Variants in CLSPN observed in about 807,000 individuals in gnomAD.
CLSPN encodes claspin, also known as claspin homolog.
In CLSPN, 85 loss-of-function variants were observed where a neutral mutation model predicts 156.3. The ratio of observed to expected loss-of-function variants is 0.54; its 90% CI spans 0.46 to 0.65. The LOEUF (loss-of-function observed/expected upper bound fraction) is 0.65. Ranked by LOEUF, CLSPN falls within the 30% of genes least tolerant of loss-of-function variation. CLSPN has a pLI of 0.00. For missense variants in CLSPN, 1,407 were observed against 1,554.9 expected (o/e 0.90, Z 1.60); for synonymous variants, 534 against 542.4 (o/e 0.98, Z 0.22).
In CLSPN at chr1:35,722,253, C is replaced by CTT. The variant is rs568124252; in HGVS notation, c.3910-1275_3910-1274dup. Among the ~76,000 whole-genome samples the CTT allele has an allele frequency of 1.7e-3, 217 of 124,612 alleles. 2 individuals are homozygous for CTT. Among genetic ancestry groups the CTT allele is most frequent in the East Asian group, 0.01 (38 of 3,786 alleles). 81.8% of individuals were successfully genotyped at this position (124,612 alleles called of 152,430 possible). A position where few individuals can be genotyped will look rare whatever the true frequency, so the allele number is the denominator to read the frequency against. On this transcript the variant is annotated intron_variant, in intron 24 of 24. Transcript: ENST00000251195. ...CATTGTTCTAAAAAGCTAGTTATTC[C>CTT]TTTTTTTTTTTTTTTTTTTGAGATG...
rs1215814499 is a variant in CLSPN, at chr1:35,746,928, T to C, written c.2692A>G (p.Ser898Gly). ...GCATCCATGGCATTCTCATCCATAC[T>C]GGCCAATGGCAATCGAGGCTTCAAA... ...QALKPRLPLA[S>G]MDENAMDANM... The change falls in exon 15 of 25, where the codon AGT (serine) becomes GGT (glycine). Residue 898 changes from serine to glycine, a missense_variant. By Grantham distance (56) the Ser-to-Gly change is moderately conservative. Coordinates refer to ENST00000318121, the MANE Select transcript of CLSPN (RefSeq NM_022111.4). This position sits in a 1 kb window ranked among gnomAD's most constrained non-coding sequence, Gnocchi z 4.2. 1.2e-6 allele frequency: 2 copies of C among 1,614,068 alleles called. No individual in the cohort carries two copies. The highest frequency in any genetic ancestry group is 1.7e-5 in the Admixed American group (1 of 60,000).
Position 35,739,601 on chromosome 1 carries a change from C to T in CLSPN, c.3144-72G>A, listed in dbSNP as rs1185946967. Reference sequence around the variant, plus strand: ...CACAGAATATGGAAGCAAAGAAAAGCAGAACAGAGTCACTTCTAATAATAA... The same window carrying T: ...CACAGAATATGGAAGCAAAGAAAAGTAGAACAGAGTCACTTCTAATAATAA... On this transcript the variant is annotated intron_variant, in intron 18 of 24. Coordinates refer to ENST00000318121, the MANE Select transcript of CLSPN (RefSeq NM_022111.4). 4 of 1,145,420 alleles carry T rather than the reference C, an allele frequency of 3.5e-6. No homozygotes were observed. In the East Asian group the frequency reaches 7.1e-5, roughly 20 times the overall value. 71.0% of individuals were successfully genotyped at this position (1,145,420 alleles called of 1,614,324 possible).
chr1:35,753,101 T>A (rs1049462536), intron 9 of CLSPN, among the ~76,000 whole-genome samples: 1 of 152,172 alleles, frequency 6.6e-6, no homozygotes, highest in Non-Finnish European at 1.5e-5. Flanking sequence ...TGTTTTGGGT[T>A]TTTTGTTTTG....
intron 10 of CLSPN, among the ~76,000 whole-genome samples, chr1:35,750,287 G>A (rs905942086): frequency 2.0e-5 from 3 of 151,892 alleles, no homozygotes; most frequent in Non-Finnish European, 2.9e-5. Context: ...CTTGAGGCCA[G>A]GAGTTCGAGA....
chr1:35,758,801 C>CTT (rs34271691), intron 8 of CLSPN, among the ~76,000 whole-genome samples: 89,985 of 138,224 alleles, frequency 0.65, 33,767 homozygotes, highest in Non-Finnish European at 0.86. Context: ...TTTTCTTTTT[C>CTT]TTTTTTTTTT....
chr1:35,761,343 G>A (rs890892459), intron 6 of CLSPN, 139 bp from the exon 7 acceptor site: 2 of 517,888 alleles, frequency 3.9e-6, no homozygotes, highest in Admixed American at 3.7e-5. Context: ...GAGGAGCTAA[G>A]TACAAAAAAG....
chr1:35,758,139 C>T (rs1642339023), intron 8 of CLSPN, among the ~76,000 whole-genome samples: 1 of 151,840 alleles, frequency 6.6e-6, no homozygotes, highest in Non-Finnish European at 1.5e-5. Flanking sequence ...CACCTGCCAA[C>T]AATAAGATGT....
intron 8 of CLSPN, among the ~76,000 whole-genome samples, chr1:35,754,408 G>A (rs547953134): frequency 6.6e-6 from 1 of 151,944 alleles, no homozygotes; most frequent in Non-Finnish European, 1.5e-5. Context: ...GCAGTGATGT[G>A]ATCTCAGCTC....
chr1:35,757,988 C>G (rs943530178), intron 8 of CLSPN, among the ~76,000 whole-genome samples: 1 of 151,610 alleles, frequency 6.6e-6, no homozygotes, highest in African/African-American at 2.4e-5. Context: ...GAAACAGAAT[C>G]TTTTTTGTGT....
chr1:35,741,109 T>C (rs1222589729), intron 18 of CLSPN, among the ~76,000 whole-genome samples: 1 of 152,184 alleles, frequency 6.6e-6, no homozygotes, highest in Admixed American at 6.5e-5. Context: ...GAATTATCTT[T>C]ATAAAACTTT....
At chr1:35,741,546 C>T (rs1177010708) in intron 18 of CLSPN, among the ~76,000 whole-genome samples, 1 of 152,124 alleles carries the variant, frequency 6.6e-6, no homozygotes, top group Non-Finnish European at 1.5e-5. Context: ...GAACTCCTGA[C>T]CTCAGGTGAT....
chr1:35,763,564 A>C (rs1642558978), intron 3 of CLSPN, among the ~76,000 whole-genome samples: 1 of 152,222 alleles, frequency 6.6e-6, no homozygotes, highest in South Asian at 2.1e-4. Context: ...GAAGTAAAAT[A>C]CTTGTTAAGC....
Position 35,736,146 on chromosome 1 carries a change from A to G in CLSPN, c.*350T>C. Reference sequence around the variant, plus strand: ...AGGAGGAGAATCGCTTGAACCTGGGAGGCAGAGATTGTGGTGAGCCGAGAT... The same window carrying G: ...AGGAGGAGAATCGCTTGAACCTGGGGGGCAGAGATTGTGGTGAGCCGAGAT... On this transcript the variant is annotated 3_prime_UTR_variant, in exon 25 of 25. Transcript: ENST00000318121. The G allele has an allele frequency of 1.4e-6, 1 of 691,402 alleles. No homozygotes were observed. The highest frequency in any genetic ancestry group is 1.8e-6 in the Non-Finnish European group (1 of 561,434). The allele number at this position is 691,402 out of a possible 1,614,324, so 42.8% of individuals were successfully genotyped here.
intron 14 of CLSPN, among the ~76,000 whole-genome samples, chr1:35,747,332 AT>A (rs1349589992): frequency 6.6e-6 from 1 of 152,094 alleles, no homozygotes; most frequent in Admixed American, 6.6e-5. Flanking sequence ...AAAAAAAAAA[AT>A]AAAAAAAAAT....
At chr1:35,768,012 G>C (rs1642730518) in intron 1 of CLSPN, among the ~76,000 whole-genome samples, 1 of 152,098 alleles carries the variant, frequency 6.6e-6, no homozygotes, top group Non-Finnish European at 1.5e-5. Context: ...TATTAATAAA[G>C]GGAGAAATAT....
chr1:35,739,527 C>T lies in CLSPN; in HGVS notation c.3146G>A (p.Arg1049Lys). The T allele has an allele frequency of 6.2e-7, 1 of 1,610,358 alleles. No homozygotes were observed. Among genetic ancestry groups the T allele is most frequent in the Non-Finnish European group, 8.5e-7 (1 of 1,178,690 alleles). The change falls in exon 19 of 25, where the codon AGG becomes AAG. Residue 1049 changes from arginine to lysine, a missense_variant and splice_region_variant. Physicochemically the swap from Arg to Lys is conservative, Grantham distance 26 (BLOSUM62 2). This residue lies in a region of CLSPN where 70 missense variants were observed against 121.5 expected (regional missense o/e 0.58). Transcript: ENST00000318121. ...KRSEKLKRQM[R>K]LRKYLEDEAE... ...CTCATCCTCCAGGTATTTCCTCAAC[C>T]TCCTAGAAAGCAATTTTGAGGATTA...
At chr1:35,727,708 C>T (rs1641226723), downstream of CLSPN, among the ~76,000 whole-genome samples, 1 of 152,206 alleles carries the variant, frequency 6.6e-6, no homozygotes, top group Non-Finnish European at 1.5e-5. Flanking sequence ...TTGAGATTTA[C>T]TCTGTGCCAG....
Position 35,732,857 on chromosome 1 carries a change from T to C in CLSPN, c.*3639A>G. The C allele has an allele frequency of 1.0e-6, 1 of 985,470 alleles. No individual in the cohort carries two copies. 61.0% of individuals were successfully genotyped at this position (985,470 alleles called of 1,614,324 possible). A position where few individuals can be genotyped will look rare whatever the true frequency, so the allele number is the denominator to read the frequency against. ...TTACCAAGATCAAGGCTTAGCTTAC[T>C]TTATAGCAGCCATCCTGGCATAAGG... is the stretch of plus-strand genomic sequence containing the variant. On this transcript the variant is annotated 3_prime_UTR_variant, in exon 25 of 25. Transcript: ENST00000318121.
In CLSPN at chr1:35,760,675, T is replaced by C. The variant is rs1471630910; in HGVS notation, c.1246A>G (p.Ser416Gly). 1 of 1,614,214 alleles carries C rather than the reference T, an allele frequency of 6.2e-7. No homozygotes were observed. Among genetic ancestry groups the C allele is most frequent in the South Asian group, 1.1e-5 (1 of 91,086 alleles). The change falls in exon 8 of 25, where the codon AGT (serine) becomes GGT (glycine). Residue 416 changes from serine to glycine, a missense_variant. Ser to Gly is a moderately conservative substitution (Grantham distance 56). Around this residue, in one of 3 missense-constraint regions of CLSPN, gnomAD observed 1,096 missense variants for 1,193.0 expected, o/e 0.92. Coordinates refer to ENST00000318121, the MANE Select transcript of CLSPN (RefSeq NM_022111.4). ...ELEIQEKQKQSDIRPSPGDSS... is the reference protein window; with the variant it reads ...ELEIQEKQKQGDIRPSPGDSS... ...TCCCCAGGTGAAGGTCTAATGTCAC[T>C]CTGCTTCTGTTTCTCCTGAATTTCT... is the stretch of plus-strand genomic sequence containing the variant.
Sources: allele counts gnomAD v4.1 joint callset (sites outside exome capture counted in the v4.1 genomes callset), GRCh38; gene constraint gnomAD v4.1.1; regional missense constraint gnomAD v4.1.1; non-coding constraint Gnocchi (gnomAD v3.1); transcripts MANE v1.5; gene names NCBI Gene and HGNC (gene_info 2026-07-23, HGNC 2026-07-21).